NDUFAF2: variants seen among roughly 807,000 people sequenced by gnomAD.
The protein encoded by NDUFAF2 is NADH dehydrogenase [ubiquinone] 1 alpha subcomplex assembly factor 2.
Under a neutral mutation model 22.8 loss-of-function variants are expected in NDUFAF2, and 13 were observed. That is an observed-to-expected ratio of 0.57 (90% CI 0.37 to 0.91). The LOEUF (loss-of-function observed/expected upper bound fraction) is 0.91. Ranked by LOEUF, NDUFAF2 falls within the 40% of genes least tolerant of loss-of-function variation. NDUFAF2 has a pLI of 0.01. For missense variants in NDUFAF2, 162 were observed against 195.2 expected (o/e 0.83, Z 1.01); for synonymous variants, 53 against 64.2 (o/e 0.83, Z 0.84).
At chr5:60,998,603 G>T (rs1280172229) in intron 1 of NDUFAF2, among the ~76,000 whole-genome samples, 1 of 151,972 alleles carries the variant, frequency 6.6e-6, no homozygotes, top group Admixed American at 6.6e-5. Context: ...AAAATGTGAT[G>T]GGGTTCGAGT....
chr5:61,145,863 A>G (rs1310214023), intron 3 of NDUFAF2: 2 of 152,126 alleles, frequency 1.3e-5, no homozygotes, highest in African/African-American at 4.8e-5. Flanking sequence ...ATATTCTTCA[A>G]TATTTCACTC....
chr5:61,072,882 G>A (rs569529782), intron 1 of NDUFAF2, among the ~76,000 whole-genome samples: 66 of 152,258 alleles, frequency 4.3e-4, no homozygotes, highest in African/African-American at 1.5e-3. Flanking sequence ...GATTACAGGC[G>A]TGAGCCACTG....
intron 1 of NDUFAF2, among the ~76,000 whole-genome samples, chr5:60,947,988 A>G (rs1021172102): frequency 2.6e-5 from 4 of 152,048 alleles, no homozygotes; most frequent in Non-Finnish European, 5.9e-5. Context: ...TTGAAGTATA[A>G]TTGACAAAAA....
chr5:61,071,413 A>G (rs1365551825), intron 1 of NDUFAF2, among the ~76,000 whole-genome samples: 1 of 152,208 alleles, frequency 6.6e-6, no homozygotes, highest in South Asian at 2.1e-4. Context: ...CTTTCACTTA[A>G]TATTACTAAG....
intron 1 of NDUFAF2, among the ~76,000 whole-genome samples, chr5:61,012,732 A>C: frequency 2.0e-5 from 3 of 152,146 alleles, no homozygotes; most frequent in Admixed American, 2.0e-4. Context: ...AATTTTAAAC[A>C]ATTTTATTAT....
chr5:61,014,901 A>G (rs1338782134), intron 1 of NDUFAF2, among the ~76,000 whole-genome samples: 1 of 152,220 alleles, frequency 6.6e-6, no homozygotes, highest in Non-Finnish European at 1.5e-5. Context: ...TTGGTTTTAT[A>G]AGTTTTAGAA....
At chr5:61,094,124 A>T (rs987999443) in intron 2 of NDUFAF2, among the ~76,000 whole-genome samples, 2 of 152,152 alleles carry the variant, frequency 1.3e-5, no homozygotes, top group Non-Finnish European at 2.9e-5. Flanking sequence ...AGATACACCA[A>T]TCAATCAGAT....
intron 3 of NDUFAF2, among the ~76,000 whole-genome samples, chr5:61,114,243 CTG>C (rs1270718822): frequency 6.6e-6 from 1 of 152,048 alleles, no homozygotes; most frequent in Non-Finnish European, 1.5e-5. Context: ...TCTCCTCTGA[CTG>C]TATATTTTCA....
chr5:61,140,404 T>G (rs1202242930), intron 3 of NDUFAF2, among the ~76,000 whole-genome samples: 1 of 152,204 alleles, frequency 6.6e-6, no homozygotes, highest in Non-Finnish European at 1.5e-5. Context: ...ACCTCTCCAA[T>G]CTAATTTCTA....
At chr5:61,068,762 A>G (rs1340295916) in intron 1 of NDUFAF2, among the ~76,000 whole-genome samples, 2 of 152,102 alleles carry the variant, frequency 1.3e-5, no homozygotes, top group African/African-American at 2.4e-5. Context: ...TTTTTTGGAA[A>G]GAAATAGTGA....
chr5:61,142,241 G>A (rs34637), intron 3 of NDUFAF2, among the ~76,000 whole-genome samples: 91,416 of 151,922 alleles, frequency 0.6, 28,244 homozygotes, highest in East Asian at 0.94. Flanking sequence ...CCCTTTTTGC[G>A]TATATATGGG....
chr5:61,077,666 C>T (rs372455614), intron 2 of NDUFAF2, among the ~76,000 whole-genome samples: 1 of 152,038 alleles, frequency 6.6e-6, no homozygotes, highest in Non-Finnish European at 1.5e-5. Flanking sequence ...GGGAAAGATC[C>T]AGTCAGAAAG....
At chr5:61,031,402 G>A (rs936503002) in intron 1 of NDUFAF2, among the ~76,000 whole-genome samples, 1 of 151,982 alleles carries the variant, frequency 6.6e-6, no homozygotes, top group African/African-American at 2.4e-5. Flanking sequence ...GAGAATATGT[G>A]GTGTTTGGTT....
chr5:61,151,939 G>A (rs1579856953), intron 3 of NDUFAF2, among the ~76,000 whole-genome samples: 1 of 152,118 alleles, frequency 6.6e-6, no homozygotes, highest in Non-Finnish European at 1.5e-5. Flanking sequence ...AACTATGTGT[G>A]GAATTTGCCT....
At chr5:61,097,617 G>T (rs986765272) in intron 2 of NDUFAF2, among the ~76,000 whole-genome samples, 9 of 152,208 alleles carry the variant, frequency 5.9e-5, no homozygotes, top group Non-Finnish European at 1.3e-4. Flanking sequence ...TTCAACCAGG[G>T]TTTAATTCCC....
At chr5:61,119,529 G>T (rs1240516194) in intron 3 of NDUFAF2, among the ~76,000 whole-genome samples, 1 of 152,084 alleles carries the variant, frequency 6.6e-6, no homozygotes, top group African/African-American at 2.4e-5. Context: ...GTTATTCTGG[G>T]ATTTCTGGCT....
chr5:60,996,970 C>T (rs1003576430), intron 1 of NDUFAF2, among the ~76,000 whole-genome samples: 1 of 152,148 alleles, frequency 6.6e-6, no homozygotes, highest in African/African-American at 2.4e-5. Context: ...TGAAGGTATC[C>T]TTTTCATGTG....
At chr5:61,041,693 C>T (rs1380388574) in intron 1 of NDUFAF2, among the ~76,000 whole-genome samples, 2 of 152,062 alleles carry the variant, frequency 1.3e-5, no homozygotes, top group Non-Finnish European at 2.9e-5. Flanking sequence ...ATGGTTAAAT[C>T]TTTATGTGTC....
At chr5:60,985,044 A>C (rs1302713002) in intron 1 of NDUFAF2, among the ~76,000 whole-genome samples, 2 of 151,990 alleles carry the variant, frequency 1.3e-5, no homozygotes, top group African/African-American at 4.8e-5. Flanking sequence ...TTGGTTGGTA[A>C]GCTGTTAATT....
Sources: gnomAD v4.1 joint callset for allele counts (sites outside exome capture counted in the v4.1 genomes callset) on GRCh38, gnomAD v4.1.1 for gene constraint, MANE v1.5 for transcripts, NCBI Gene and HGNC (gene_info 2026-07-23, HGNC 2026-07-21) for gene names.